Variants in MYBPC1 observed in about 807,000 individuals in gnomAD.
MYBPC1 encodes the protein myosin binding protein C1.
In MYBPC1, 52 loss-of-function variants were observed where a neutral mutation model predicts 147.1. The observed-to-expected ratio is 0.35, with a 90% CI of 0.28 to 0.45. The LOEUF (loss-of-function observed/expected upper bound fraction) is 0.45. Ranked by LOEUF, MYBPC1 falls within the 20% of genes least tolerant of loss-of-function variation. The pLI is 1.00. For missense variants in MYBPC1, 1,228 were observed against 1,440.3 expected (o/e 0.85, Z 2.39); for synonymous variants, 477 against 475.9 (o/e 1.00, Z -0.03).
the MYBPC1 span, among the ~76,000 whole-genome samples, chr12:101,694,326 G>T: frequency 1.3e-5 from 2 of 152,126 alleles, no homozygotes; most frequent in African/African-American, 2.4e-5. Flanking sequence ...ACATGTTTTT[G>T]AAGTTTATAT....
chr12:101,651,336 C>A lies in MYBPC1; in HGVS notation c.1469C>A (p.Thr490Asn), dbSNP rs370546853. Residue 490 changes from threonine (T) to asparagine (N), a missense_variant, in exon 16 of 32, where the codon ACT (threonine) becomes AAT (asparagine). This residue lies in a region of MYBPC1 where 1,077 missense variants were observed against 1,314.2 expected (regional missense o/e 0.82). Transcript: ENST00000361466. The stretch of plus-strand genomic sequence containing the variant: ...TCTGAAAACATACCAGGAAAATGGA[C>A]TAAAAATGGCCTACCTGTTCAGGAG... ...EISENIPGKW[T>N]KNGLPVQESD... 1 of 1,614,108 alleles carries A rather than the reference C, an allele frequency of 6.2e-7. No individual in the cohort carries two copies. The highest frequency in any genetic ancestry group is 8.5e-7 in the Non-Finnish European group (1 of 1,179,996).
chr12:101,618,219 T>G (rs1373904805), intron 3 of MYBPC1, among the ~76,000 whole-genome samples: 2 of 152,358 alleles, frequency 1.3e-5, no homozygotes, highest in East Asian at 3.9e-4. Context: ...ACTTTTTTCT[T>G]TCTTTCAGTA....
downstream of MYBPC1, among the ~76,000 whole-genome samples, chr12:101,690,044 G>A (rs375216311): frequency 3.0e-4 from 45 of 152,212 alleles, no homozygotes; most frequent in South Asian, 3.9e-3. Context: ...GCGTGGTGGC[G>A]CGTGCCTGTA....
chr12:101,673,548 A>G lies in MYBPC1; in HGVS notation c.2735A>G (p.His912Arg). Reference sequence around the variant, plus strand: ...TTTATTAGAAAAGCAGAGAGGAGCCACTCTGGGAAATATGATCTGCAAGTC... The same window carrying G: ...TTTATTAGAAAAGCAGAGAGGAGCCGCTCTGGGAAATATGATCTGCAAGTC... ...IIFIRKAERS[H>R]SGKYDLQVKV... Residue 912 changes from histidine to arginine, a missense_variant, in exon 25 of 32, where the codon CAC (histidine) becomes CGC (arginine). Coordinates refer to ENST00000361466, the MANE Select transcript of MYBPC1 (RefSeq NM_002465.4). 6.2e-7 allele frequency: 1 copy of G among 1,614,112 alleles called. No homozygotes were observed. The highest frequency in any genetic ancestry group is 8.5e-7 in the Non-Finnish European group (1 of 1,179,986).
At chr12:101,686,261 C>A (rs1283072988), downstream of MYBPC1, among the ~76,000 whole-genome samples, 2 of 152,322 alleles carry the variant, frequency 1.3e-5, no homozygotes, top group Non-Finnish European at 2.9e-5. Flanking sequence ...AATATGCATT[C>A]ATGCATTTAG....
the MYBPC1 span, among the ~76,000 whole-genome samples, chr12:101,694,981 C>T: frequency 5.9e-5 from 9 of 152,146 alleles, no homozygotes; most frequent in Non-Finnish European, 2.9e-5. Flanking sequence ...ATACTTATCT[C>T]CTAGGATACA....
At chr12:101,649,498 A>T (rs1893944553) in intron 15 of MYBPC1, 72 bp downstream of exon 15, 1 of 1,546,046 alleles carries the variant, frequency 6.5e-7, no homozygotes, top group East Asian at 2.3e-5. Flanking sequence ...GGTTTCAGAA[A>T]AGTTTCTATT....
At position 101,685,628 on chromosome 12, in the gene MYBPC1, C is replaced by G; in HGVS notation, c.*66C>G. 1 of 1,535,010 alleles carries G rather than the reference C, an allele frequency of 6.5e-7. No homozygotes were observed. The highest frequency in any genetic ancestry group is 8.7e-7 in the Non-Finnish European group (1 of 1,146,070). ...TCCTCTTGCAAGGCGTACCTCCAAACATAATTGATTCGTATCTGCGAGACT... is the reference window on the plus strand; with the variant it reads ...TCCTCTTGCAAGGCGTACCTCCAAAGATAATTGATTCGTATCTGCGAGACT... On this transcript the variant is annotated 3_prime_UTR_variant, in exon 32 of 32. Transcript: ENST00000361466.
intron 8 of MYBPC1, among the ~76,000 whole-genome samples, chr12:101,633,622 G>A (rs1019959566): frequency 6.6e-6 from 1 of 151,624 alleles, no homozygotes; most frequent in Non-Finnish European, 1.5e-5. Flanking sequence ...GGGAGGCGGA[G>A]GTTGCAGTGA....
At chr12:101,602,787 A>T (rs1290809618) in intron 1 of MYBPC1, among the ~76,000 whole-genome samples, 5 of 152,190 alleles carry the variant, frequency 3.3e-5, no homozygotes, top group African/African-American at 1.2e-4. Context: ...TTGTGGTGAT[A>T]CATCTTCGCT....
chr12:101,634,648 G>A (rs368736837), intron 9 of MYBPC1, 43 bp downstream of exon 9: 1 of 1,460,950 alleles, frequency 6.8e-7, no homozygotes, highest in Admixed American at 1.7e-5. Flanking sequence ...GTATAACACA[G>A]AAGTGGAGGA....
rs2293466 is a variant in MYBPC1, at chr12:101,629,312, A to G, written c.179-122A>G. 6.4e-5 allele frequency: 47 copies of G among 730,950 alleles called. No individual in the cohort carries two copies. The East Asian group carries it at 1.2e-3, about 19-fold the overall frequency. 45.3% of individuals were successfully genotyped at this position (730,950 alleles called of 1,614,324 possible). ...CTGGGGGCAGAAAGAATGATGTTGTATTTATCTAGGTTTATTAGACAAAGA... is the reference window on the plus strand; with the variant it reads ...CTGGGGGCAGAAAGAATGATGTTGTGTTTATCTAGGTTTATTAGACAAAGA... On this transcript the variant is annotated intron_variant, in intron 5 of 31. Coordinates refer to ENST00000361466, the MANE Select transcript of MYBPC1 (RefSeq NM_002465.4).
In MYBPC1 at chr12:101,610,716, C is replaced by A. The variant is rs186669481; in HGVS notation, c.26-3780C>A. ...CCACTCCTACAAATAGGGAGGGCAA[C>A]ATCCATATGAGGTTATGTGGTCTTG... is the stretch of plus-strand genomic sequence containing the variant. On this transcript the variant is annotated intron_variant, in intron 1 of 31. Coordinates refer to ENST00000361466, the MANE Select transcript of MYBPC1 (RefSeq NM_002465.4). 1.3e-3 allele frequency among the ~76,000 whole-genome samples: 202 copies of A among 152,280 alleles called. 3 individuals are homozygous for A. Among genetic ancestry groups the A allele is most frequent in the East Asian group, 2.9e-3 (15 of 5,186 alleles).
chr12:101,659,889 T>G, intron 19 of MYBPC1, 58 bp downstream of exon 19: 1 of 1,589,658 alleles, frequency 6.3e-7, no homozygotes, highest in Non-Finnish European at 8.6e-7. Flanking sequence ...AGATTCAGAG[T>G]AGACTTTCCT....
chr12:101,640,862 G>T (rs1002688204), intron 10 of MYBPC1, among the ~76,000 whole-genome samples: 4 of 152,006 alleles, frequency 2.6e-5, no homozygotes, highest in Non-Finnish European at 5.9e-5. Flanking sequence ...TGGTGTGGTG[G>T]CCAGCACTTT....
At chr12:101,603,462 A>G (rs1322290251) in intron 1 of MYBPC1, among the ~76,000 whole-genome samples, 6 of 152,068 alleles carry the variant, frequency 3.9e-5, no homozygotes, top group Non-Finnish European at 8.8e-5. Flanking sequence ...ATGACCACAT[A>G]TGGATGTGGT....
At chr12:101,653,092 A>T in intron 17 of MYBPC1, 23 bp from the exon 18 acceptor site, 7 of 1,603,038 alleles carry the variant, frequency 4.4e-6, no homozygotes, top group Non-Finnish European at 6.0e-6. Flanking sequence ...GTCTGATAAC[A>T]AAGACTATGC....
At chr12:101,605,904 CAAG>C (rs1203694432) in intron 1 of MYBPC1, among the ~76,000 whole-genome samples, 45 of 151,664 alleles carry the variant, frequency 3.0e-4, no homozygotes, top group Admixed American at 2.9e-3. Flanking sequence ...GTTTAAAATA[CAAG>C]AATACAGCCA....
chr12:101,627,730 C>T, intron 4 of MYBPC1, 39 bp from the exon 5 acceptor site: 1 of 1,609,510 alleles, frequency 6.2e-7, no homozygotes, highest in Non-Finnish European at 8.5e-7. Flanking sequence ...CATCCCCTTT[C>T]CACCCCTCTG....
Sources: allele counts gnomAD v4.1 joint callset (sites outside exome capture counted in the v4.1 genomes callset), GRCh38; gene constraint gnomAD v4.1.1; regional missense constraint gnomAD v4.1.1; transcripts MANE v1.5; gene names NCBI Gene and HGNC (gene_info 2026-07-23, HGNC 2026-07-21).